Variants in DOP1B observed in about 807,000 individuals in gnomAD.
The protein encoded by DOP1B is DOP1 leucine zipper like protein B.
In DOP1B, 174 loss-of-function variants were observed where a neutral mutation model predicts 233.5. The ratio of observed to expected loss-of-function variants is 0.75; its 90% CI spans 0.66 to 0.85. The LOEUF (loss-of-function observed/expected upper bound fraction) is 0.85, where lower values mean the gene tolerates loss of function less well. Ranked by LOEUF, DOP1B falls within the 40% of genes least tolerant of loss-of-function variation. DOP1B has a pLI of 0.00. For missense variants in DOP1B, 2,652 were observed against 2,846.6 expected, an observed-to-expected ratio of 0.93 and a Z score of 1.56; for synonymous variants, 1,190 against 1,185.6, an observed-to-expected ratio of 1.00 and a Z score of -0.08.
chr21:36,245,417 C>T lies in DOP1B; in HGVS notation c.3437C>T (p.Ala1146Val). 1.2e-6 allele frequency: 2 copies of T among 1,614,064 alleles called. No individual in the cohort carries two copies. Among genetic ancestry groups the T allele is most frequent in the Non-Finnish European group, 8.5e-7 (1 of 1,180,042 alleles). The change falls in exon 19 of 37, where the codon GCA becomes GTA. Residue 1146 changes from alanine to valine, a missense_variant. Ala to Val is a moderately conservative substitution (Grantham distance 64, BLOSUM62 0). Transcript: ENST00000691173. The surrounding 1 kb of genome is among the most constrained non-coding windows in gnomAD (Gnocchi z 5.5). ...CTGAGCAACGAAGAGAACTGCTGTGCACCCATCCCCATGGGGGGCAGGGCG... is the reference window on the plus strand; with the variant it reads ...CTGAGCAACGAAGAGAACTGCTGTGTACCCATCCCCATGGGGGGCAGGGCG... ...QELSNEENCC[A>V]PIPMGGRAYP...
At chr21:36,174,371 C>A (rs2066002319) in intron 2 of DOP1B, among the ~76,000 whole-genome samples, 1 of 152,112 alleles carries the variant, frequency 6.6e-6, no homozygotes, top group South Asian at 2.1e-4. Flanking sequence ...ACCTGTAATC[C>A]CAGCTACTTG....
At chr21:36,277,254 A>G (rs998833916) in intron 28 of DOP1B, among the ~76,000 whole-genome samples, 154 bp downstream of exon 28, 1 of 152,046 alleles carries the variant, frequency 6.6e-6, no homozygotes, top group South Asian at 2.1e-4. Context: ...AAGCTGCACC[A>G]TGGAGTTTTG....
intron 1 of DOP1B, among the ~76,000 whole-genome samples, chr21:36,161,494 T>G (rs1568991866): frequency 2.0e-5 from 3 of 152,156 alleles, no homozygotes; most frequent in Non-Finnish European, 1.5e-5. Flanking sequence ...ATAAAATTCA[T>G]TCAAGTGTAT....
intron 32 of DOP1B, among the ~76,000 whole-genome samples, chr21:36,287,807 G>A (rs568361348): frequency 3.3e-5 from 5 of 151,784 alleles, no homozygotes; most frequent in South Asian, 2.1e-4. Context: ...GGCTGGCCTC[G>A]AACTCCTTAT....
intron 1 of DOP1B, chr21:36,164,501 C>G: frequency 3.2e-6 from 1 of 316,948 alleles, no homozygotes; most frequent in Non-Finnish European, 5.7e-6. Context: ...TCCTGTTCTC[C>G]CCCAGAATCC....
Position 36,261,005 on chromosome 21 carries a change from G to T in DOP1B, c.5315+273G>T, listed in dbSNP as rs1216655154. ...GTTAAACTTTAAAAGGCTTGGATTT[G>T]CATTAAATTGATACAGAAAAAGAAA... On this transcript the variant is annotated intron_variant, in intron 24 of 36. Coordinates refer to ENST00000691173, the MANE Select transcript of DOP1B (RefSeq NM_001320714.2). The T allele has an allele frequency of 2.5e-6, 3 of 1,182,468 alleles. No homozygotes were observed. In the African/African-American group the frequency reaches 4.8e-5, roughly 19 times the overall value. The allele number at this position is 1,182,468 out of a possible 1,614,324, so 73.2% of individuals were successfully genotyped here.
At chr21:36,269,645 C>T (rs1048276792) in intron 26 of DOP1B, among the ~76,000 whole-genome samples, 5 of 151,976 alleles carry the variant, frequency 3.3e-5, no homozygotes, top group South Asian at 2.1e-4. Context: ...CTAAGCCTCC[C>T]GAGTACTGGG....
Position 36,253,918 on chromosome 21 carries a change from C to G in DOP1B, c.5259+9C>G. 6.2e-7 allele frequency: 1 copy of G among 1,611,922 alleles called. No individual in the cohort carries two copies. Among genetic ancestry groups the G allele is most frequent in the Non-Finnish European group, 8.5e-7 (1 of 1,178,916 alleles). The stretch of plus-strand genomic sequence containing the variant: ...TCAAAGGGGGTGATGAGGTGAGGAG[C>G]CTGGGGAAGCCTCTGGGCTTCTGCA... On this transcript the variant is annotated intron_variant, in intron 23 of 36. Coordinates refer to ENST00000691173, the MANE Select transcript of DOP1B (RefSeq NM_001320714.2).
At position 36,232,847 on chromosome 21, in the gene DOP1B, G is replaced by T; in HGVS notation, c.2394G>T (p.Met798Ile). 2 of 1,613,462 alleles carry T rather than the reference G, an allele frequency of 1.2e-6. No individual in the cohort carries two copies. The highest frequency in any genetic ancestry group is 1.7e-6 in the Non-Finnish European group (2 of 1,179,942). ...TTCCATCTTGGCTGAAGTCCCTCAT[G>T]ACTATTTGCTGCTGTGTGACTGACT... ...SSFPSWLKSL[M>I]TICCCVTDCY... Residue 798 changes from methionine (M) to isoleucine (I), a missense_variant, in exon 15 of 37, where the codon ATG (methionine) becomes ATT (isoleucine). Transcript: ENST00000691173.
At position 36,239,798 on chromosome 21, in the gene DOP1B, C is replaced by T; in HGVS notation, c.2910C>T (p.Cys970=). Residue 970 remains cysteine (C), a synonymous_variant, in exon 18 of 37, where the codon TGC becomes TGT. Coordinates refer to ENST00000691173, the MANE Select transcript of DOP1B (RefSeq NM_001320714.2). ...TTGTCGTGCTGGACAGCCTGGCCTGCACGGATGGTGCCATCGGTGCGGCAG... is the reference window on the plus strand; with the variant it reads ...TTGTCGTGCTGGACAGCCTGGCCTGTACGGATGGTGCCATCGGTGCGGCAG... ...SLFVVLDSLA[C]TDGAIGAAAQ... is the part of the protein sequence containing the mutation. The T allele has an allele frequency of 1.9e-6, 3 of 1,557,032 alleles. No individual in the cohort carries two copies. Among genetic ancestry groups the T allele is most frequent in the Non-Finnish European group, 2.6e-6 (3 of 1,151,246 alleles).
chr21:36,286,729 A>G (rs1328277688), intron 32 of DOP1B, among the ~76,000 whole-genome samples: 2 of 152,036 alleles, frequency 1.3e-5, no homozygotes, highest in Non-Finnish European at 2.9e-5. Context: ...TGGGAGTCCA[A>G]GGCAGGTGGA....
At chr21:36,201,453 T>A (rs1267742593) in intron 4 of DOP1B, among the ~76,000 whole-genome samples, 1 of 147,422 alleles carries the variant, frequency 6.8e-6, no homozygotes, top group Non-Finnish European at 1.5e-5. Context: ...GTTCAAGTGA[T>A]TCTCCCGCCG....
intron 28 of DOP1B, among the ~76,000 whole-genome samples, 187 bp downstream of exon 28, chr21:36,277,287 T>A (rs761622922): frequency 3.3e-5 from 5 of 152,138 alleles, no homozygotes; most frequent in Admixed American, 6.6e-5. Context: ...CTTTAAGGAC[T>A]GCACTTTTTT....
chr21:36,189,535 C>G (rs529033341), intron 2 of DOP1B, among the ~76,000 whole-genome samples: 2 of 151,896 alleles, frequency 1.3e-5, no homozygotes, highest in Non-Finnish European at 2.9e-5. Flanking sequence ...AGTTCGAGAC[C>G]GGCCTGGCCA....
At chr21:36,247,821 G>A (rs951875188) in intron 20 of DOP1B, among the ~76,000 whole-genome samples, 193 bp downstream of exon 20, 14 of 152,272 alleles carry the variant, frequency 9.2e-5, no homozygotes, top group African/African-American at 3.4e-4. Context: ...TGTTAGCAAT[G>A]CAAGTGCCTA....
intron 32 of DOP1B, among the ~76,000 whole-genome samples, chr21:36,285,336 A>C (rs969600596): frequency 6.6e-6 from 1 of 152,254 alleles, no homozygotes; most frequent in Non-Finnish European, 1.5e-5. Flanking sequence ...CTGGGATTAC[A>C]GGCATGAGCC....
In DOP1B at chr21:36,198,014, C is replaced by T. The variant is rs1432752725; in HGVS notation, c.139-1056C>T. On this transcript the variant is annotated intron_variant, in intron 2 of 36. Transcript: ENST00000691173. ...CGGCCTGGGCAACAGAGCAAGACTC[C>T]GTCTCAAAAAAAAAAAAAAAAGAAG... 8.6e-5 allele frequency among the ~76,000 whole-genome samples: 12 copies of T among 140,276 alleles called. No homozygotes were observed. The South Asian group carries it at 1.8e-3, about 21-fold the overall frequency. 92.0% of individuals were successfully genotyped at this position (140,276 alleles called of 152,430 possible).
rs778924971 is a variant in DOP1B, at chr21:36,245,756, T to C, written c.3776T>C (p.Ile1259Thr). 6.2e-7 allele frequency: 1 copy of C among 1,613,790 alleles called. No individual in the cohort carries two copies. The highest frequency in any genetic ancestry group is 8.5e-7 in the Non-Finnish European group (1 of 1,179,950). Residue 1259 changes from isoleucine to threonine, a missense_variant, in exon 19 of 37, where the codon ATC becomes ACC. Physicochemically the swap from Ile to Thr is moderately conservative, Grantham distance 89 (BLOSUM62 -1). Transcript: ENST00000691173. This position sits in a 1 kb window ranked among gnomAD's most constrained non-coding sequence, Gnocchi z 5.5. ...AVLKTNPKEF[I>T]EAVSRTSMDT... Reference sequence around the variant, plus strand: ...CTCAAAACCAACCCTAAGGAATTCATCGAGGCTGTGTCCAGGACTAGCATG... The same window carrying C: ...CTCAAAACCAACCCTAAGGAATTCACCGAGGCTGTGTCCAGGACTAGCATG...
At chr21:36,279,753 A>G (rs987428248) in intron 30 of DOP1B, among the ~76,000 whole-genome samples, 4 of 152,236 alleles carry the variant, frequency 2.6e-5, no homozygotes, top group Non-Finnish European at 5.9e-5. Flanking sequence ...TCTTTGTGGT[A>G]AACTGGAAAA....
Sources: gnomAD v4.1 joint callset for allele counts (sites outside exome capture counted in the v4.1 genomes callset) on GRCh38, gnomAD v4.1.1 for gene constraint, Gnocchi (gnomAD v3.1) non-coding constraint, MANE v1.5 for transcripts, NCBI Gene and HGNC (gene_info 2026-07-23, HGNC 2026-07-21) for gene names.